Variants in MYT1L observed in about 807,000 individuals in gnomAD.
The protein encoded by MYT1L is myelin transcription factor 1-like protein.
Under a neutral mutation model 126.7 loss-of-function variants are expected in MYT1L, and 12 were observed. The observed-to-expected ratio is 0.09, with a 90% CI of 0.06 to 0.15. MYT1L has a LOEUF of 0.15. Among genes scored for constraint, MYT1L ranks in the 10% least tolerant of loss-of-function variants. The pLI is 1.00. For missense variants in MYT1L, 979 were observed against 1,585.2 expected, an observed-to-expected ratio of 0.62 and a Z score of 6.49; for synonymous variants, 541 against 604.2, an observed-to-expected ratio of 0.90 and a Z score of 1.53.
chr2:1,878,632 G>A (rs555256904), intron 18 of MYT1L, among the ~76,000 whole-genome samples: 12 of 152,214 alleles, frequency 7.9e-5, no homozygotes, highest in Admixed American at 2.6e-4. Context: ...CCTTAGCCAC[G>A]GCAGCCTCAT....
chr2:1,987,042 TAAGAA>T (rs1174263412), intron 5 of MYT1L, among the ~76,000 whole-genome samples: 5 of 152,200 alleles, frequency 3.3e-5, no homozygotes, highest in Non-Finnish European at 1.5e-5. Flanking sequence ...AGCATAAAAA[TAAGAA>T]AATAGATCCT....
At chr2:2,158,483 C>G (rs2087123739) in intron 3 of MYT1L, among the ~76,000 whole-genome samples, 2 of 152,156 alleles carry the variant, frequency 1.3e-5, no homozygotes, top group Non-Finnish European at 2.9e-5. Context: ...CTCCTTTCTT[C>G]TTTGCACTTA....
rs143690880 is a variant in MYT1L, at chr2:2,302,796, G to A, written c.-520-18293C>T. 4.6e-5 allele frequency among the ~76,000 whole-genome samples: 7 copies of A among 152,280 alleles called. No homozygotes were observed. In the South Asian group the frequency reaches 1.2e-3, roughly 27 times the overall value. Reference sequence around the variant, plus strand: ...TGTAGACGTGGTAATGTGCAGTAATGGTTTGATGCGTGAACAAAGTCCTTG... The same window carrying A: ...TGTAGACGTGGTAATGTGCAGTAATAGTTTGATGCGTGAACAAAGTCCTTG... On this transcript the variant is annotated intron_variant, in intron 1 of 24. Coordinates refer to ENST00000647738, the MANE Select transcript of MYT1L (RefSeq NM_001303052.2).
rs1558428988 is a variant in MYT1L, at chr2:1,927,930, CCAAA to C, written c.506-4671_506-4668del. Among the ~76,000 whole-genome samples, 214 of 49,620 alleles carry C rather than the reference CCAAA, an allele frequency of 4.3e-3. 1 individual carries two copies. In the African/African-American group the frequency reaches 0.048, roughly 11 times the overall value. The allele number at this position is 49,620 out of a possible 152,430, so 32.6% of individuals were successfully genotyped here. A position where few individuals can be genotyped will look rare whatever the true frequency, so the allele number is the denominator to read the frequency against. On this transcript the variant is annotated intron_variant, in intron 9 of 24. Transcript: ENST00000647738. ...CAATCGCAATGATAAGGAAAAAAAA[CCAAA>C]CCACATAAACCATCTATATATTTCT... is the stretch of plus-strand genomic sequence containing the variant.
At position 1,922,012 on chromosome 2, in the gene MYT1L, CCT is replaced by C. The variant is rs1175240968; in HGVS notation, c.1483+272_1483+273del. On this transcript the variant is annotated intron_variant, in intron 10 of 24. Transcript: ENST00000647738. This position sits in a 1 kb window ranked among gnomAD's most constrained non-coding sequence, Gnocchi z 7.4. ...TCAAGTGATGTGTCTGTGCTTTACCCCTGTCTTCCCAAGGAATGCATTTCCCA... is the reference window on the plus strand; with the variant it reads ...TCAAGTGATGTGTCTGTGCTTTACCCGTCTTCCCAAGGAATGCATTTCCCA... Among the ~76,000 whole-genome samples, 4 of 152,184 alleles carry C rather than the reference CCT, an allele frequency of 2.6e-5. No individual in the cohort carries two copies. The highest frequency in any genetic ancestry group is 5.9e-5 in the Non-Finnish European group (4 of 68,030).
intron 10 of MYT1L, among the ~76,000 whole-genome samples, chr2:1,919,970 ATT>A (rs10708643): frequency 1.3e-5 from 2 of 151,816 alleles, no homozygotes; most frequent in African/African-American, 4.8e-5. Context: ...CACCCGCACT[ATT>A]TTTTTAAGGG....
intron 3 of MYT1L, among the ~76,000 whole-genome samples, chr2:2,057,262 A>G (rs1054068338): frequency 2.9e-4 from 44 of 151,882 alleles, no homozygotes; most frequent in African/African-American, 1.0e-3. Context: ...TTCATCACCA[A>G]GTCCACCCTC....
At chr2:2,198,894 G>A (rs2092938866) in intron 2 of MYT1L, among the ~76,000 whole-genome samples, 1 of 151,348 alleles carries the variant, frequency 6.6e-6, no homozygotes, top group South Asian at 2.1e-4. Flanking sequence ...TAGACCAAAA[G>A]AGTGAAAGAC....
At chr2:2,148,332 C>A (rs1431771233) in intron 3 of MYT1L, among the ~76,000 whole-genome samples, 2 of 152,198 alleles carry the variant, frequency 1.3e-5, no homozygotes, top group Non-Finnish European at 2.9e-5. Flanking sequence ...ATACAGCACA[C>A]AACCTAGATC....
chr2:2,005,227 C>T (rs566523730), intron 4 of MYT1L, among the ~76,000 whole-genome samples: 18 of 149,164 alleles, frequency 1.2e-4, no homozygotes, highest in Non-Finnish European at 2.4e-4. Context: ...TTCTTTCCTG[C>T]GTGCCTTCTC....
At position 1,789,560 on chromosome 2, in the gene MYT1L, C is replaced by G. The variant is rs1572237758; in HGVS notation, c.*2307G>C. ...GAGCAGCAGGTTTGTGCTTAAAATC[C>G]CTTTCCATTGTACATAGGTGATAAC... On this transcript the variant is annotated 3_prime_UTR_variant, in exon 25 of 25. Coordinates refer to ENST00000647738, the MANE Select transcript of MYT1L (RefSeq NM_001303052.2). The G allele has an allele frequency of 6.6e-6, 1 of 152,090 alleles. No homozygotes were observed. The highest frequency in any genetic ancestry group is 6.5e-5 in the Admixed American group (1 of 15,270). The allele number at this position is 152,090 out of a possible 1,614,324, so 9.4% of individuals were successfully genotyped here. A position where few individuals can be genotyped will look rare whatever the true frequency, so the allele number is the denominator to read the frequency against.
At chr2:2,158,077 T>G (rs2087019309) in intron 3 of MYT1L, among the ~76,000 whole-genome samples, 1 of 152,030 alleles carries the variant, frequency 6.6e-6, no homozygotes, top group Admixed American at 6.6e-5. Flanking sequence ...CAGTTTACCT[T>G]CCATATGGGT....
chr2:1,837,241 C>T (rs968237860), intron 21 of MYT1L, among the ~76,000 whole-genome samples: 4 of 152,322 alleles, frequency 2.6e-5, no homozygotes, highest in East Asian at 1.9e-4. Context: ...GGCAAACTCT[C>T]AGCAGGAGGA....
In MYT1L at chr2:1,791,148, T is replaced by C. The variant is rs1180852209; in HGVS notation, c.*719A>G. 2 of 457,538 alleles carry C rather than the reference T, an allele frequency of 4.4e-6. No individual in the cohort carries two copies. Among genetic ancestry groups the C allele is most frequent in the Non-Finnish European group, 9.0e-6 (2 of 222,770 alleles). 28.3% of individuals were successfully genotyped at this position (457,538 alleles called of 1,614,324 possible). A position where few individuals can be genotyped will look rare whatever the true frequency, so the allele number is the denominator to read the frequency against. On this transcript the variant is annotated 3_prime_UTR_variant, in exon 25 of 25. Transcript: ENST00000647738. This position sits in a 1 kb window ranked among gnomAD's most constrained non-coding sequence, Gnocchi z 6.0. The stretch of plus-strand genomic sequence containing the variant: ...CTTTGAATCTTCTGCCAAGTTTCCA[T>C]GGCTTGATGTTGTCTTACAATAAAT...
In MYT1L at chr2:1,912,498, A is replaced by G. The variant is rs959784283; in HGVS notation, c.1619-388T>C. On this transcript the variant is annotated intron_variant, in intron 11 of 24. Coordinates refer to ENST00000647738, the MANE Select transcript of MYT1L (RefSeq NM_001303052.2). The surrounding 1 kb of genome is among the most constrained non-coding windows in gnomAD (Gnocchi z 4.3). ...AGCGAGGGCCTCACAGATATTACCC[A>G]TGCACAAGCATGGAGTATTGATTAG... 1.3e-5 allele frequency among the ~76,000 whole-genome samples: 2 copies of G among 152,180 alleles called. No homozygotes were observed. The highest frequency in any genetic ancestry group is 4.8e-5 in the African/African-American group (2 of 41,450).
chr2:2,139,193 CCT>C (rs1263398508), intron 3 of MYT1L, among the ~76,000 whole-genome samples: 2 of 152,106 alleles, frequency 1.3e-5, no homozygotes, highest in East Asian at 1.9e-4. Flanking sequence ...ATACACGTCC[CCT>C]GACTGCTGGA....
chr2:1,920,934 C>T (rs2053496005), intron 10 of MYT1L, among the ~76,000 whole-genome samples: 1 of 152,224 alleles, frequency 6.6e-6, no homozygotes, highest in South Asian at 2.1e-4. Context: ...CTGTCTGTGC[C>T]CAGGCACCTG....
intron 18 of MYT1L, among the ~76,000 whole-genome samples, chr2:1,855,503 A>G (rs1572900508): frequency 6.6e-6 from 1 of 152,348 alleles, no homozygotes; most frequent in African/African-American, 2.4e-5. Flanking sequence ...TCAGCGCTGC[A>G]GCACTCAGGC....
chr2:2,143,229 G>A (rs1454929245), intron 3 of MYT1L, among the ~76,000 whole-genome samples: 1 of 150,622 alleles, frequency 6.6e-6, no homozygotes, highest in Non-Finnish European at 1.5e-5. Context: ...TGCAGAGCTT[G>A]CAGTGAGCCG....
Sources: allele counts gnomAD v4.1 joint callset (sites outside exome capture counted in the v4.1 genomes callset), GRCh38; gene constraint gnomAD v4.1.1; non-coding constraint Gnocchi (gnomAD v3.1); transcripts MANE v1.5; gene names NCBI Gene and HGNC (gene_info 2026-07-23, HGNC 2026-07-21).